The following CELF4 variants were observed in gnomAD, a reference collection of about 807,000 sequenced individuals.
CELF4 encodes CUGBP Elav-like family member 4.
A neutral mutation model predicts 59.9 loss-of-function variants in CELF4; 18 were observed. The ratio of observed to expected loss-of-function variants is 0.30; its 90% CI spans 0.21 to 0.45. The LOEUF (loss-of-function observed/expected upper bound fraction) is 0.45, where lower values mean the gene tolerates loss of function less well. Among genes scored for constraint, CELF4 ranks in the 20% least tolerant of loss-of-function variants. The probability of loss-of-function intolerance (pLI) is 1.00; values close to 1 mark genes in which losing one functional copy is unlikely to be tolerated. For missense variants in CELF4, 456 were observed against 689.0 expected (o/e 0.66, Z 3.79); for synonymous variants, 261 against 267.1 (o/e 0.98, Z 0.22).
At chr18:37,369,247 T>TG (rs1032454799) in intron 2 of CELF4, among the ~76,000 whole-genome samples, 29 of 151,644 alleles carry the variant, frequency 1.9e-4, no homozygotes, top group Admixed American at 1.3e-3. Context: ...CAGTGTATGG[T>TG]GGGGGGGTGG....
intron 2 of CELF4, 89 bp from the exon 3 acceptor site, chr18:37,321,970 G>A: frequency 9.9e-7 from 1 of 1,008,938 alleles, no homozygotes; most frequent in East Asian, 2.6e-5. Flanking sequence ...GTGAATGCGA[G>A]TATACAGACT....
chr18:37,509,939 G>A (rs1303337872), intron 1 of CELF4, among the ~76,000 whole-genome samples: 1 of 152,182 alleles, frequency 6.6e-6, no homozygotes. Flanking sequence ...CCATTTATAG[G>A]AAACATCCAG....
At chr18:37,318,390 A>T (rs2096945389) in intron 3 of CELF4, among the ~76,000 whole-genome samples, 1 of 148,332 alleles carries the variant, frequency 6.7e-6, no homozygotes, top group Non-Finnish European at 1.5e-5. Flanking sequence ...CCCCTCTCCC[A>T]TTCCTTCTCT....
intron 2 of CELF4, among the ~76,000 whole-genome samples, chr18:37,413,174 C>T (rs1478700148): frequency 6.6e-6 from 1 of 152,220 alleles, no homozygotes; most frequent in Non-Finnish European, 1.5e-5. Flanking sequence ...GCGATGTCTA[C>T]ATTTTTAATA....
At chr18:37,423,203 C>T (rs1374507056) in intron 2 of CELF4, among the ~76,000 whole-genome samples, 1 of 152,192 alleles carries the variant, frequency 6.6e-6, no homozygotes, top group Non-Finnish European at 1.5e-5. Context: ...CTGAGTGTTC[C>T]AGGAAGATGG....
At chr18:37,345,524 A>T (rs973940861) in intron 2 of CELF4, among the ~76,000 whole-genome samples, 1 of 152,066 alleles carries the variant, frequency 6.6e-6, no homozygotes, top group African/African-American at 2.4e-5. Context: ...AGCAACCAGC[A>T]CATGGTAGAT....
At chr18:37,314,520 C>T (rs2096791631) in intron 3 of CELF4, among the ~76,000 whole-genome samples, 1 of 152,106 alleles carries the variant, frequency 6.6e-6, no homozygotes, top group South Asian at 2.1e-4. Context: ...GCATGGGCTC[C>T]CAGGTCCAGA....
chr18:37,248,687 C>T (rs987906551), intron 12 of CELF4, among the ~76,000 whole-genome samples: 2 of 152,214 alleles, frequency 1.3e-5, no homozygotes, highest in African/African-American at 4.8e-5. Flanking sequence ...GAGTTCTCTT[C>T]GCTATCAGGA....
rs112280701 is a variant in CELF4 at position 37,539,811 on chromosome 18, T to TTAAATG, written c.286+25539_286+25544dup. On this transcript the variant is annotated intron_variant, in intron 1 of 12. Coordinates refer to ENST00000420428, the MANE Select transcript of CELF4 (RefSeq NM_020180.4). ...TAAATTACATTGGAATAAAGTTAAT[T>TTAAATG]TAAATGTAAATGTAAATAGCCACAC... 1.7e-3 allele frequency among the ~76,000 whole-genome samples: 259 copies of TTAAATG among 152,100 alleles called. 1 individual carries two copies. Among genetic ancestry groups the TTAAATG allele is most frequent in the African/African-American group, 6.1e-3 (254 of 41,418 alleles).
Position 37,409,917 on chromosome 18 carries a change from T to G in CELF4, c.369+75608A>C, listed in dbSNP as rs561390147. 4.6e-5 allele frequency among the ~76,000 whole-genome samples: 7 copies of G among 152,342 alleles called. No homozygotes were observed. The South Asian group carries it at 1.4e-3, about 32-fold the overall frequency. ...TTGCTTTACAAAGTGACCCTTCACATGCAGCGCCTCAGGGCCAGGCACACC... is the reference window on the plus strand; with the variant it reads ...TTGCTTTACAAAGTGACCCTTCACAGGCAGCGCCTCAGGGCCAGGCACACC... On this transcript the variant is annotated intron_variant, in intron 2 of 12. Coordinates refer to ENST00000420428, the MANE Select transcript of CELF4 (RefSeq NM_020180.4).
intron 3 of CELF4, among the ~76,000 whole-genome samples, chr18:37,290,788 T>C (rs894775): frequency 0.53 from 79,846 of 152,074 alleles, 22,133 homozygotes; most frequent in African/African-American, 0.7. Flanking sequence ...TGAAAATGAT[T>C]GCCTGGAGGC....
intron 3 of CELF4, among the ~76,000 whole-genome samples, chr18:37,296,642 G>A (rs2095658998): frequency 6.6e-6 from 1 of 152,188 alleles, no homozygotes; most frequent in Non-Finnish European, 1.5e-5. Flanking sequence ...CTTGGGACTT[G>A]TGGGCATCCT....
At chr18:37,521,391 T>A (rs2099957266) in intron 1 of CELF4, among the ~76,000 whole-genome samples, 1 of 152,106 alleles carries the variant, frequency 6.6e-6, no homozygotes, top group Non-Finnish European at 1.5e-5. Flanking sequence ...CTGCAATAGA[T>A]CATACAGGAT....
Position 37,253,701 on chromosome 18 carries a change from G to A in CELF4, c.*44+66C>T, listed in dbSNP as rs2067029308. 8.6e-6 allele frequency: 11 copies of A among 1,272,376 alleles called. No individual in the cohort carries two copies. Among genetic ancestry groups the A allele is most frequent in the Non-Finnish European group, 1.2e-5 (11 of 949,836 alleles). The allele number at this position is 1,272,376 out of a possible 1,614,324, so 78.8% of individuals were successfully genotyped here. On this transcript the variant is annotated intron_variant, in intron 12 of 12. Transcript: ENST00000420428. This position sits in a 1 kb window ranked among gnomAD's most constrained non-coding sequence, Gnocchi z 4.5. The stretch of plus-strand genomic sequence containing the variant: ...GAGGGTCCGGCCCACGGAGGCCGGA[G>A]GAGGCGGCGGGTCCGTCTGGTTCCC...
intron 3 of CELF4, among the ~76,000 whole-genome samples, chr18:37,311,529 C>T (rs957541505): frequency 6.6e-6 from 1 of 152,200 alleles, no homozygotes; most frequent in African/African-American, 2.4e-5. Flanking sequence ...GTGGCTCACA[C>T]CTGTAATCCC....
intron 3 of CELF4, among the ~76,000 whole-genome samples, chr18:37,278,602 G>A (rs551583083): frequency 4.6e-5 from 7 of 152,314 alleles, no homozygotes; most frequent in East Asian, 3.9e-4. Flanking sequence ...GGGTCCCAGC[G>A]CCTGCCAAGA....
intron 2 of CELF4, among the ~76,000 whole-genome samples, chr18:37,461,735 T>C (rs2099794147): frequency 6.6e-6 from 1 of 152,234 alleles, no homozygotes; most frequent in African/African-American, 2.4e-5. Context: ...CAGCAGTAGC[T>C]TCTGCTCAGT....
intron 2 of CELF4, among the ~76,000 whole-genome samples, chr18:37,388,964 G>A (rs2099128521): frequency 6.6e-6 from 1 of 152,126 alleles, no homozygotes. Context: ...CTCTTTCTGA[G>A]GCTTCCAGTG....
At chr18:37,373,783 T>C (rs1013046689) in intron 2 of CELF4, among the ~76,000 whole-genome samples, 1 of 152,104 alleles carries the variant, frequency 6.6e-6, no homozygotes, top group African/African-American at 2.4e-5. Context: ...GCCAGCAATG[T>C]GCAGAGGATG....
Sources: gnomAD v4.1 joint callset for allele counts (sites outside exome capture counted in the v4.1 genomes callset) on GRCh38, gnomAD v4.1.1 for gene constraint, Gnocchi (gnomAD v3.1) non-coding constraint, MANE v1.5 for transcripts, NCBI Gene and HGNC (gene_info 2026-07-23, HGNC 2026-07-21) for gene names.